DDAH1: variants seen among roughly 807,000 people sequenced by gnomAD.
The protein encoded by DDAH1 is dimethylarginine dimethylaminohydrolase 1.
DDAH1 carries 19 observed loss-of-function variants against 28.8 expected under a neutral mutation model. That is an observed-to-expected ratio of 0.66 (90% CI 0.46 to 0.97). The LOEUF is 0.97. Among genes scored for constraint, DDAH1 ranks in the 50% least tolerant of loss-of-function variants. The pLI is 0.00. For missense variants in DDAH1, 326 were observed against 375.9 expected, an observed-to-expected ratio of 0.87 and a Z score of 1.10; for synonymous variants, 153 against 154.4, an observed-to-expected ratio of 0.99 and a Z score of 0.07.
At chr1:85,520,942 T>C (rs1350824505) in intron 1 of DDAH1, among the ~76,000 whole-genome samples, 1 of 152,172 alleles carries the variant, frequency 6.6e-6, no homozygotes, top group African/African-American at 2.4e-5. Flanking sequence ...AAGAAGGTAT[T>C]TATGAACTGC....
chr1:85,343,493 A>C (rs1285691389), intron 4 of DDAH1, among the ~76,000 whole-genome samples: 1 of 152,226 alleles, frequency 6.6e-6, no homozygotes, highest in Non-Finnish European at 1.5e-5. Context: ...CAGATTTAAA[A>C]AAATCATTGT....
intron 4 of DDAH1, 39 bp downstream of exon 4, chr1:85,350,376 C>T (rs765709347): frequency 1.3e-6 from 2 of 1,599,406 alleles, no homozygotes; most frequent in East Asian, 2.2e-5. Context: ...GTGGCAGGCA[C>T]CCCCACTACA....
intron 1 of DDAH1, among the ~76,000 whole-genome samples, chr1:85,540,401 C>T (rs1400418723): frequency 1.3e-5 from 2 of 152,136 alleles, no homozygotes; most frequent in Non-Finnish European, 2.9e-5. Context: ...GCACAACACC[C>T]ACTCCTTTGT....
intron 1 of DDAH1, among the ~76,000 whole-genome samples, chr1:85,571,589 G>A (rs1216302225): frequency 2.0e-5 from 3 of 152,116 alleles, no homozygotes; most frequent in Admixed American, 6.5e-5. Flanking sequence ...ATTCCTCTTT[G>A]CATTGCTGCC....
At chr1:85,577,350 A>G (rs1659643215) in intron 1 of DDAH1, among the ~76,000 whole-genome samples, 1 of 152,062 alleles carries the variant, frequency 6.6e-6, no homozygotes, top group Non-Finnish European at 1.5e-5. Context: ...GGTAGAGGAG[A>G]GAAATGGGAT....
intron 1 of DDAH1, among the ~76,000 whole-genome samples, chr1:85,421,998 G>GAAAGAAACTACC (rs1162407483): frequency 1.3e-5 from 2 of 152,136 alleles, no homozygotes; most frequent in African/African-American, 4.8e-5. Context: ...GTTTAGCTTT[G>GAAAGAAACTACC]AAAGAAACTA....
At chr1:85,392,805 A>G (rs555726454) in intron 1 of DDAH1, among the ~76,000 whole-genome samples, 39 of 151,364 alleles carry the variant, frequency 2.6e-4, no homozygotes, top group Admixed American at 1.3e-3. Context: ...AAAAAAAAAA[A>G]AAAAAAAAAA....
rs556916372 is a variant in DDAH1, at chr1:85,392,563, G to C, written c.304-33716C>G. Among the ~76,000 whole-genome samples, 3 of 152,210 alleles carry C rather than the reference G, an allele frequency of 2.0e-5. No homozygotes were observed. In the South Asian group the frequency reaches 6.2e-4, roughly 32 times the overall value. On this transcript the variant is annotated intron_variant, in intron 1 of 5. Transcript: ENST00000284031. Reference sequence around the variant, plus strand: ...TAATCCCAGTGCTTTGGGAGGCTGAGGCGGGCGGATCACGAGGTCAGGAGT... The same window carrying C: ...TAATCCCAGTGCTTTGGGAGGCTGACGCGGGCGGATCACGAGGTCAGGAGT...
At chr1:85,458,054 T>C (rs555612086) in intron 1 of DDAH1, among the ~76,000 whole-genome samples, 1 of 152,344 alleles carries the variant, frequency 6.6e-6, no homozygotes, top group East Asian at 1.9e-4. Context: ...AATGCTGATG[T>C]ATGTATCTTC....
intron 1 of DDAH1, chr1:85,398,323 T>G (rs1651907838): frequency 6.6e-6 from 1 of 152,232 alleles, no homozygotes. Flanking sequence ...GAAACTTATT[T>G]TGCAAACAAA....
At chr1:85,370,358 GTACTAGCAAACTAATA>G (rs977411080) in intron 1 of DDAH1, among the ~76,000 whole-genome samples, 1 of 152,186 alleles carries the variant, frequency 6.6e-6, no homozygotes, top group African/African-American at 2.4e-5. Flanking sequence ...CCAGTCAGTG[GTACTAGCAAACTAATA>G]TGGCATTTTA....
intron 1 of DDAH1, among the ~76,000 whole-genome samples, chr1:85,509,306 A>C (rs1408014456): frequency 1.3e-5 from 2 of 152,212 alleles, no homozygotes; most frequent in East Asian, 1.9e-4. Flanking sequence ...CAACATCAAC[A>C]AAAAGGTCAT....
intron 1 of DDAH1, among the ~76,000 whole-genome samples, chr1:85,412,111 T>C (rs1652677797): frequency 6.6e-6 from 1 of 152,204 alleles, no homozygotes; most frequent in African/African-American, 2.4e-5. Flanking sequence ...GAAAAGAATA[T>C]TTTTTTAAAA....
chr1:85,523,712 A>G (rs1162168118), intron 1 of DDAH1, among the ~76,000 whole-genome samples: 2 of 152,206 alleles, frequency 1.3e-5, no homozygotes, highest in African/African-American at 4.8e-5. Flanking sequence ...CAAATGCCCA[A>G]AAAGTATCAG....
At chr1:85,554,082 C>T (rs1194900199) in intron 1 of DDAH1, among the ~76,000 whole-genome samples, 1 of 152,168 alleles carries the variant, frequency 6.6e-6, no homozygotes, top group African/African-American at 2.4e-5. Flanking sequence ...AACATGTCCT[C>T]CACTAGTTTT....
chr1:85,443,016 A>G (rs532569924), intron 1 of DDAH1, among the ~76,000 whole-genome samples: 1 of 152,284 alleles, frequency 6.6e-6, no homozygotes, highest in South Asian at 2.1e-4. Context: ...GTCATGCAGA[A>G]GCTCTTTAGT....
chr1:85,412,725 G>A (rs1411030315), intron 1 of DDAH1, among the ~76,000 whole-genome samples: 1 of 152,190 alleles, frequency 6.6e-6, no homozygotes, highest in African/African-American at 2.4e-5. Context: ...TGAGGGCCAG[G>A]CATGGTGGCC....
intron 1 of DDAH1, among the ~76,000 whole-genome samples, chr1:85,515,803 A>C (rs1281736342): frequency 5.3e-5 from 8 of 152,298 alleles, no homozygotes; most frequent in East Asian, 1.9e-4. Context: ...TTAAAAAAAA[A>C]ACCTGGATTT....
chr1:85,383,328 T>C (rs745601541), intron 1 of DDAH1, among the ~76,000 whole-genome samples: 11 of 152,156 alleles, frequency 7.2e-5, no homozygotes, highest in Non-Finnish European at 1.6e-4. Flanking sequence ...GTGGTAGAAA[T>C]AGCAAGAGAA....
Sources: gnomAD v4.1 joint callset for allele counts (sites outside exome capture counted in the v4.1 genomes callset) on GRCh38, gnomAD v4.1.1 for gene constraint, MANE v1.5 for transcripts, NCBI Gene and HGNC (gene_info 2026-07-23, HGNC 2026-07-21) for gene names.